Variants in PAN3 observed in about 807,000 individuals in gnomAD.
PAN3 encodes the protein PAN2-PAN3 deadenylation complex subunit PAN3.
PAN3 carries 19 observed loss-of-function variants against 96.2 expected under a neutral mutation model. The ratio of observed to expected loss-of-function variants is 0.20; its 90% CI spans 0.14 to 0.29. PAN3 has a LOEUF of 0.29. Among genes scored for constraint, PAN3 ranks in the 10% least tolerant of loss-of-function variants. The probability of loss-of-function intolerance (pLI) is 1.00; values close to 1 mark genes in which losing one functional copy is unlikely to be tolerated. For synonymous variants in PAN3, 433 were observed against 406.6 expected (o/e 1.06, Z -0.78); for missense variants, 882 against 1,108.1 (o/e 0.80, Z 2.90).
At position 28,260,440 on chromosome 13, in the gene PAN3, T is replaced by A; in HGVS notation, c.1249-7T>A. 1 of 1,596,288 alleles carries A rather than the reference T, an allele frequency of 6.3e-7. No individual in the cohort carries two copies. Among genetic ancestry groups the A allele is most frequent in the Non-Finnish European group, 8.6e-7 (1 of 1,164,368 alleles). ...TGATTACATTTACCCCCTTCCTACC[T>A]TTTTAGGTGTTTCCAAACTATCATA... On this transcript the variant is annotated splice_region_variant and splice_polypyrimidine_tract_variant and intron_variant, in intron 7 of 18. Coordinates refer to ENST00000380958, the MANE Select transcript of PAN3 (RefSeq NM_175854.8).
chr13:28,148,307 G>T (rs1870937774), intron 1 of PAN3, among the ~76,000 whole-genome samples: 1 of 151,968 alleles, frequency 6.6e-6, no homozygotes, highest in Non-Finnish European at 1.5e-5. Flanking sequence ...TTTAGAGATG[G>T]GGTCTTGCTC....
chr13:28,143,133 A>T (rs1227215966), intron 1 of PAN3, among the ~76,000 whole-genome samples: 1 of 149,992 alleles, frequency 6.7e-6, no homozygotes, highest in East Asian at 1.9e-4. Context: ...TTTTTTGAGG[A>T]GGGGGTTGGG....
At chr13:28,271,017 GA>G (rs199983673) in intron 13 of PAN3, 151 bp downstream of exon 13, 16,494 of 645,150 alleles carry the variant, frequency 0.026, 16 homozygotes, top group South Asian at 0.048. Flanking sequence ...GCTTTTTAAA[GA>G]AAAAAAAAAA....
chr13:28,220,864 A>C (rs1262401885), intron 6 of PAN3, among the ~76,000 whole-genome samples: 2 of 152,132 alleles, frequency 1.3e-5, no homozygotes, highest in Admixed American at 6.6e-5. Flanking sequence ...AAATTGGGTA[A>C]AGTATTATAA....
chr13:28,227,777 A>T (rs1882156601), intron 6 of PAN3, among the ~76,000 whole-genome samples: 4 of 152,198 alleles, frequency 2.6e-5, no homozygotes, highest in African/African-American at 7.2e-5. Context: ...AAGATTTTAG[A>T]AGGCATATGG....
chr13:28,275,888 T>C (rs913029567), intron 14 of PAN3, among the ~76,000 whole-genome samples: 8 of 152,232 alleles, frequency 5.3e-5, no homozygotes, highest in Non-Finnish European at 1.0e-4. Context: ...TTATCTCATG[T>C]TCAGTGTCAG....
intron 6 of PAN3, among the ~76,000 whole-genome samples, chr13:28,238,309 A>G (rs1883285234): frequency 6.6e-6 from 1 of 152,214 alleles, no homozygotes; most frequent in Admixed American, 6.5e-5. Context: ...GCATTATACA[A>G]TGGGTGTTTA....
At chr13:28,206,417 A>G (rs1431489282) in intron 5 of PAN3, among the ~76,000 whole-genome samples, 1 of 143,038 alleles carries the variant, frequency 7.0e-6, no homozygotes, top group East Asian at 2.1e-4. Context: ...TCTGCCTCCC[A>G]GGTTCAAGCA....
chr13:28,289,991 G>A (rs190700883), intron 18 of PAN3, among the ~76,000 whole-genome samples: 1 of 152,362 alleles, frequency 6.6e-6, no homozygotes, highest in East Asian at 1.9e-4. Context: ...TGGTCTCCAG[G>A]AGTAAATGTA....
intron 9 of PAN3, among the ~76,000 whole-genome samples, chr13:28,265,195 A>G (rs561767936): frequency 6.6e-5 from 10 of 152,214 alleles, no homozygotes; most frequent in South Asian, 4.1e-4. Flanking sequence ...AGTTACAGCT[A>G]TTTCACTTGT....
At chr13:28,160,223 T>C (rs1487214122) in intron 1 of PAN3, among the ~76,000 whole-genome samples, 2 of 152,202 alleles carry the variant, frequency 1.3e-5, no homozygotes, top group African/African-American at 4.8e-5. Context: ...ATTACAGGCA[T>C]GAGCCACTGT....
At chr13:28,292,061 G>A (rs1869818594) in intron 18 of PAN3, among the ~76,000 whole-genome samples, 1 of 152,058 alleles carries the variant, frequency 6.6e-6, no homozygotes. Flanking sequence ...AAATTAAGTA[G>A]ATGAGTATGT....
intron 15 of PAN3, among the ~76,000 whole-genome samples, chr13:28,279,983 G>T (rs1887332580): frequency 6.6e-6 from 1 of 151,714 alleles, no homozygotes; most frequent in Non-Finnish European, 1.5e-5. Flanking sequence ...ATTTTTAGTA[G>T]AGACGGGGTT....
intron 5 of PAN3, among the ~76,000 whole-genome samples, chr13:28,217,186 G>A (rs1333922938): frequency 6.6e-6 from 1 of 151,936 alleles, no homozygotes; most frequent in Admixed American, 6.6e-5. Flanking sequence ...TATTATATTT[G>A]GGTCTAGAAG....
chr13:28,277,218 AT>A lies in PAN3; in HGVS notation c.2050-16del. The A allele has an allele frequency of 6.3e-7, 1 of 1,595,236 alleles. No individual in the cohort carries two copies. The highest frequency in any genetic ancestry group is 8.5e-7 in the Non-Finnish European group (1 of 1,171,332). On this transcript the variant is annotated intron_variant, in intron 14 of 18. Transcript: ENST00000380958. ...CTGTGAAATGAAAATTAAAAGTTAT[AT>A]TTATTCTTTCATGTCAGCAAGCAGA...
At chr13:28,234,550 T>C (rs375182438) in intron 6 of PAN3, among the ~76,000 whole-genome samples, 16 of 152,302 alleles carry the variant, frequency 1.1e-4, no homozygotes, top group African/African-American at 3.8e-4. Flanking sequence ...CTGTAGCTAC[T>C]ACCTAAGCTA....
At chr13:28,220,667 A>G (rs767022911) in intron 6 of PAN3, among the ~76,000 whole-genome samples, 2 of 152,168 alleles carry the variant, frequency 1.3e-5, no homozygotes, top group Non-Finnish European at 1.5e-5. Flanking sequence ...GTATTTCTCT[A>G]TTTTTAAAAC....
chr13:28,231,538 G>T (rs1295720754), intron 6 of PAN3, among the ~76,000 whole-genome samples: 1 of 152,102 alleles, frequency 6.6e-6, no homozygotes, highest in Non-Finnish European at 1.5e-5. Flanking sequence ...ATAGTCTTAA[G>T]TATCTATCAT....
intron 1 of PAN3, among the ~76,000 whole-genome samples, chr13:28,166,499 C>A (rs967507179): frequency 1.3e-5 from 2 of 152,214 alleles, no homozygotes; most frequent in African/African-American, 4.8e-5. Flanking sequence ...AGGTTGGAGT[C>A]TGGTGCCTCT....
Sources: gnomAD v4.1 joint callset for allele counts (sites outside exome capture counted in the v4.1 genomes callset) on GRCh38, gnomAD v4.1.1 for gene constraint, MANE v1.5 for transcripts, NCBI Gene and HGNC (gene_info 2026-07-23, HGNC 2026-07-21) for gene names.